Variants in ILRUN observed in about 807,000 individuals in gnomAD.
ILRUN encodes the protein protein ILRUN.
A neutral mutation model predicts 33.8 loss-of-function variants in ILRUN; 3 were observed. That is an observed-to-expected ratio of 0.09 (90% confidence interval 0.04 to 0.23). The LOEUF (loss-of-function observed/expected upper bound fraction) is 0.23, where lower values mean the gene tolerates loss of function less well. Ranked by LOEUF, ILRUN falls within the 10% of genes least tolerant of loss-of-function variation. The pLI is 1.00. For missense variants in ILRUN, 210 were observed against 375.1 expected, an observed-to-expected ratio of 0.56 and a Z score of 3.64; for synonymous variants, 124 against 138.9, an observed-to-expected ratio of 0.89 and a Z score of 0.75.
chr6:34,690,934 G>A (rs1031059323), intron 1 of ILRUN, among the ~76,000 whole-genome samples: 1 of 152,196 alleles, frequency 6.6e-6, no homozygotes, highest in Non-Finnish European at 1.5e-5. Flanking sequence ...AACTAGGCTG[G>A]AGTGCAGTGG....
intron 1 of ILRUN, among the ~76,000 whole-genome samples, chr6:34,680,059 G>A (rs1483880177): frequency 6.6e-6 from 1 of 152,216 alleles, no homozygotes; most frequent in African/African-American, 2.4e-5. Flanking sequence ...TGTTTCTTAA[G>A]CAACACTAGG....
At chr6:34,691,727 CAG>C (rs1763654396) in intron 1 of ILRUN, among the ~76,000 whole-genome samples, 1 of 151,858 alleles carries the variant, frequency 6.6e-6, no homozygotes, top group Non-Finnish European at 1.5e-5. Flanking sequence ...ACCCGGGAGG[CAG>C]AGGTTGCAGT....
rs374964078 is a variant in ILRUN, at chr6:34,606,702, G to C, written c.714C>G (p.Ile238Met). The C allele has an allele frequency of 1.8e-5, 29 of 1,614,062 alleles. No individual in the cohort carries two copies. The African/African-American group carries it at 2.7e-4, about 15-fold the overall frequency. ...GAGCAGGAGCCCATGTGTTTTTGCT[G>C]ATCGAGTCGAACTCGGAGCCCCCAG... ...KDPGGSEFDS[I>M]SKNTWAPAPD... The change falls in exon 4 of 5, where the codon ATC becomes ATG. Residue 238 changes from isoleucine (I) to methionine (M), a missense_variant. By Grantham distance (10) the Ile-to-Met change is conservative. Coordinates refer to ENST00000374023, the MANE Select transcript of ILRUN (RefSeq NM_024294.4).
chr6:34,658,215 G>A (rs139408796), intron 1 of ILRUN, among the ~76,000 whole-genome samples: 4 of 151,798 alleles, frequency 2.6e-5, no homozygotes, highest in Admixed American at 6.6e-5. Flanking sequence ...TGGGCATAGT[G>A]CATGCCTGTA....
intron 1 of ILRUN, among the ~76,000 whole-genome samples, chr6:34,683,469 T>TAG (rs1562033039): frequency 1.0e-5 from 1 of 97,688 alleles, no homozygotes; most frequent in Non-Finnish European, 1.8e-5. Context: ...TATACATATA[T>TAG]ATACACATAT....
At position 34,606,716 on chromosome 6, in the gene ILRUN, C is replaced by G; in HGVS notation, c.700G>C (p.Glu234Gln). 1 of 1,614,150 alleles carries G rather than the reference C, an allele frequency of 6.2e-7. No homozygotes were observed. Among genetic ancestry groups the G allele is most frequent in the South Asian group, 1.1e-5 (1 of 91,080 alleles). Reference sequence around the variant, plus strand: ...GTGTTTTTGCTGATCGAGTCGAACTCGGAGCCCCCAGGGTCTTTTAAGTTG... The same window carrying G: ...GTGTTTTTGCTGATCGAGTCGAACTGGGAGCCCCCAGGGTCTTTTAAGTTG... ...ENNLKDPGGSEFDSISKNTWA... is the reference protein window; with the variant it reads ...ENNLKDPGGSQFDSISKNTWA... Residue 234 changes from glutamate (E) to glutamine (Q), a missense_variant, in exon 4 of 5, where the codon GAG (glutamate) becomes CAG (glutamine). This residue lies in a region of ILRUN where 81 missense variants were observed against 97.0 expected (regional missense o/e 0.84). Transcript: ENST00000374023.
chr6:34,685,134 G>T (rs1212276427), intron 1 of ILRUN, among the ~76,000 whole-genome samples: 2 of 151,986 alleles, frequency 1.3e-5, no homozygotes, highest in African/African-American at 4.8e-5. Flanking sequence ...GTGGCAGTGG[G>T]AATGGAAAAA....
chr6:34,617,075 G>A, intron 3 of ILRUN: 1 of 531,836 alleles, frequency 1.9e-6, no homozygotes, highest in Non-Finnish European at 3.7e-6. Context: ...CACCTGCATG[G>A]AGGATCTGAT....
chr6:34,602,853 C>A (rs1198780640), intron 4 of ILRUN, among the ~76,000 whole-genome samples: 1 of 152,194 alleles, frequency 6.6e-6, no homozygotes, highest in African/African-American at 2.4e-5. Flanking sequence ...GGCGTTCCCC[C>A]CAGGGACGGA....
intron 1 of ILRUN, among the ~76,000 whole-genome samples, chr6:34,655,549 T>A (rs1304341115): frequency 2.0e-5 from 3 of 152,166 alleles, no homozygotes; most frequent in African/African-American, 7.2e-5. Context: ...ATAAAGAGCA[T>A]CCTCATTGTT....
At chr6:34,684,922 T>C (rs1373247022) in intron 1 of ILRUN, among the ~76,000 whole-genome samples, 1 of 152,208 alleles carries the variant, frequency 6.6e-6, no homozygotes, top group East Asian at 1.9e-4. Context: ...TAAAGCTTGC[T>C]GTTCTGTATC....
chr6:34,591,332 A>T (rs933543361), intron 4 of ILRUN, among the ~76,000 whole-genome samples: 7 of 151,964 alleles, frequency 4.6e-5, no homozygotes, highest in Non-Finnish European at 8.8e-5. Context: ...CCCTATAAAA[A>T]TTTTTTTAAA....
chr6:34,609,480 A>G (rs11754773), intron 3 of ILRUN, among the ~76,000 whole-genome samples: 10,420 of 151,682 alleles, frequency 0.069, 524 homozygotes, highest in Non-Finnish European at 0.1. Flanking sequence ...ACAGAGTAAG[A>G]GCCTATCTCA....
intron 1 of ILRUN, among the ~76,000 whole-genome samples, chr6:34,681,944 C>T (rs1189636981): frequency 6.7e-6 from 1 of 148,362 alleles, no homozygotes; most frequent in Non-Finnish European, 1.5e-5. Context: ...CTCTGCCTCC[C>T]AGGTTCAAGC....
At chr6:34,684,034 C>T (rs1215243172) in intron 1 of ILRUN, among the ~76,000 whole-genome samples, 1 of 151,818 alleles carries the variant, frequency 6.6e-6, no homozygotes, top group Non-Finnish European at 1.5e-5. Context: ...GCAGTGATCC[C>T]GCCAATGCAC....
intron 3 of ILRUN, among the ~76,000 whole-genome samples, 188 bp from the exon 4 acceptor site, chr6:34,607,092 T>A (rs1302374536): frequency 6.6e-6 from 1 of 152,236 alleles, no homozygotes; most frequent in African/African-American, 2.4e-5. Flanking sequence ...TTTTTGGTAA[T>A]GTCAAATTCA....
intron 4 of ILRUN, among the ~76,000 whole-genome samples, chr6:34,603,753 TTGTGCA>T (rs1291143528): frequency 3.3e-5 from 5 of 152,216 alleles, no homozygotes; most frequent in Non-Finnish European, 7.3e-5. Flanking sequence ...TCTAATTGCT[TTGTGCA>T]TGTTTCATTT....
chr6:34,667,830 G>A (rs1763035702), intron 1 of ILRUN, among the ~76,000 whole-genome samples: 1 of 152,046 alleles, frequency 6.6e-6, no homozygotes, highest in Admixed American at 6.5e-5. Flanking sequence ...CACAAAAGGC[G>A]AAGGAACTGT....
Position 34,696,283 on chromosome 6 carries a change from C to T in ILRUN, c.158+163G>A. The T allele has an allele frequency of 1.0e-5, 7 of 703,100 alleles. No homozygotes were observed. In the South Asian group the frequency reaches 1.3e-4, roughly 14 times the overall value. 43.6% of individuals were successfully genotyped at this position (703,100 alleles called of 1,614,324 possible). A position where few individuals can be genotyped will look rare whatever the true frequency, so the allele number is the denominator to read the frequency against. On this transcript the variant is annotated intron_variant, in intron 1 of 4. Transcript: ENST00000374023. ...TTTAGCCCTGCTCAGCCCCCAAATA[C>T]TCCCTATGCCCACGGGGCTCCCCGA...
Sources: allele counts gnomAD v4.1 joint callset (sites outside exome capture counted in the v4.1 genomes callset), GRCh38; gene constraint gnomAD v4.1.1; regional missense constraint gnomAD v4.1.1; transcripts MANE v1.5; gene names NCBI Gene and HGNC (gene_info 2026-07-23, HGNC 2026-07-21).